NRAP: variants seen among roughly 807,000 people sequenced by gnomAD.
NRAP encodes the protein nebulin related anchoring protein.
A neutral mutation model predicts 225.9 loss-of-function variants in NRAP; 189 were observed. The ratio of observed to expected loss-of-function variants is 0.84; its 90% CI spans 0.74 to 0.94. The LOEUF (loss-of-function observed/expected upper bound fraction) is 0.94, where lower values mean the gene tolerates loss of function less well. NRAP is among the 40% of genes least tolerant of loss of function. The pLI is 0.00. For synonymous variants in NRAP, 769 were observed against 790.7 expected, an observed-to-expected ratio of 0.97 and a Z score of 0.46; for missense variants, 2,176 against 2,168.7, an observed-to-expected ratio of 1.00 and a Z score of -0.07.
In NRAP at chr10:113,622,166, C is replaced by T. The variant is rs1848035573; in HGVS notation, c.2472G>A (p.Glu824=). Residue 824 remains glutamate (E), a synonymous_variant, in exon 24 of 42, where the codon GAG becomes GAA. Transcript: ENST00000359988. ...GCTTCCCTCTGGATCTCTCATAATC[C>T]TCCTTGTACTTCACCTAAATAAGAG... ...RDLASEVKYK[E]DYERSRGKLI... is the part of the protein sequence containing the mutation. 2 of 1,611,414 alleles carry T rather than the reference C, an allele frequency of 1.2e-6. No homozygotes were observed. Among genetic ancestry groups the T allele is most frequent in the South Asian group, 2.2e-5 (2 of 90,998 alleles).
chr10:113,643,079 C>G, intron 11 of NRAP, 41 bp from the exon 12 acceptor site: 1 of 970,826 alleles, frequency 1.0e-6, no homozygotes, highest in Non-Finnish European at 1.7e-6. Flanking sequence ...GAACCAAATC[C>G]GAAGTCACTC....
intron 38 of NRAP, among the ~76,000 whole-genome samples, chr10:113,592,917 C>A (rs1846075999): frequency 6.6e-6 from 1 of 152,166 alleles, no homozygotes; most frequent in African/African-American, 2.4e-5. Context: ...TTCATATCTT[C>A]CTCTTTCATT....
chr10:113,620,282 G>A (rs527855546), intron 25 of NRAP, among the ~76,000 whole-genome samples: 5 of 152,252 alleles, frequency 3.3e-5, no homozygotes, highest in African/African-American at 9.6e-5. Context: ...AGCTTTTTGG[G>A]TGCCATAAAT....
Position 113,640,282 on chromosome 10 carries a change from G to A in NRAP, c.1373C>T (p.Pro458Leu). 1.2e-6 allele frequency: 2 copies of A among 1,603,972 alleles called. No individual in the cohort carries two copies. Among genetic ancestry groups the A allele is most frequent in the Non-Finnish European group, 1.7e-6 (2 of 1,175,600 alleles). Residue 458 changes from proline to leucine, a missense_variant, in exon 14 of 42, where the codon CCA (proline) becomes CTA (leucine). Physicochemically the swap from Pro to Leu is moderately conservative, Grantham distance 98 (BLOSUM62 -3). Transcript: ENST00000359988. ...YKHDIVDYNYPATLTPSYQTA... is the reference protein window; with the variant it reads ...YKHDIVDYNYLATLTPSYQTA... ...TTGATAGGAAGGCGTGAGAGTGGCT[G>A]GGTAGTTGTAGTCGACAATATCATG...
chr10:113,615,315 A>T (rs1010491765), intron 27 of NRAP, among the ~76,000 whole-genome samples: 1 of 152,200 alleles, frequency 6.6e-6, no homozygotes, highest in Admixed American at 6.5e-5. Flanking sequence ...TCTACCAAAG[A>T]ACAGAAATGG....
chr10:113,601,195 C>A (rs1348416127), intron 35 of NRAP, among the ~76,000 whole-genome samples: 2 of 152,150 alleles, frequency 1.3e-5, no homozygotes, highest in African/African-American at 4.8e-5. Context: ...CCGGGCTGGT[C>A]CGAACTGGGC....
chr10:113,626,573 G>A (rs770538425), intron 20 of NRAP, among the ~76,000 whole-genome samples: 1 of 152,126 alleles, frequency 6.6e-6, no homozygotes, highest in African/African-American at 2.4e-5. Flanking sequence ...TGCTTGGAGT[G>A]TACAATGGGG....
intron 21 of NRAP, among the ~76,000 whole-genome samples, chr10:113,625,804 A>G (rs572276867): frequency 6.6e-6 from 1 of 152,312 alleles, no homozygotes; most frequent in African/African-American, 2.4e-5. Flanking sequence ...GCTGAAAAGG[A>G]ATAAAGTCAG....
intron 5 of NRAP, 39 bp from the exon 6 acceptor site, chr10:113,653,078 G>C: frequency 9.0e-7 from 1 of 1,114,652 alleles, no homozygotes; most frequent in Non-Finnish European, 1.3e-6. Context: ...GAACTGAGAT[G>C]ATATTGAATG....
chr10:113,600,407 T>G (rs1386149080), intron 35 of NRAP, among the ~76,000 whole-genome samples: 4 of 152,180 alleles, frequency 2.6e-5, no homozygotes, highest in African/African-American at 9.7e-5. Flanking sequence ...CTCTAACTCC[T>G]GGGCTCAAGT....
intron 4 of NRAP, 78 bp downstream of exon 4, chr10:113,657,392 G>A (rs1180025764): frequency 2.5e-6 from 2 of 790,312 alleles, no homozygotes; most frequent in African/African-American, 3.4e-5. Flanking sequence ...TTCTCTAGAA[G>A]TAATAATAAT....
At chr10:113,589,407 A>C in intron 41 of NRAP, 1 of 578,318 alleles carries the variant, frequency 1.7e-6, no homozygotes, top group South Asian at 2.2e-5. Context: ...CTGGCCCGGG[A>C]TTGATGTAGC....
At chr10:113,616,939 G>A (rs7085283) in intron 26 of NRAP, among the ~76,000 whole-genome samples, 1 of 152,132 alleles carries the variant, frequency 6.6e-6, no homozygotes, top group South Asian at 2.1e-4. Context: ...AGAGGGAAAA[G>A]GGTCAAATCT....
At chr10:113,612,666 G>T (rs1048140567) in intron 29 of NRAP, among the ~76,000 whole-genome samples, 1 of 152,166 alleles carries the variant, frequency 6.6e-6, no homozygotes, top group African/African-American at 2.4e-5. Context: ...AAGGCCCATG[G>T]TTCCCTCATT....
intron 20 of NRAP, among the ~76,000 whole-genome samples, chr10:113,627,181 T>A (rs994951332): frequency 6.6e-6 from 1 of 152,204 alleles, no homozygotes; most frequent in Non-Finnish European, 1.5e-5. Flanking sequence ...GTCTTCTAAT[T>A]TTCCTCCCTA....
chr10:113,650,102 T>C lies in NRAP; in HGVS notation c.823A>G (p.Met275Val). ...TCAGCTCCAATGGCTGGACCAGCCA[T>C]TCCCCTCATTTCTTTTTGATATTGT... ...HQQYQKEMRGMAGPAIGAEGI... is the reference protein window; with the variant it reads ...HQQYQKEMRGVAGPAIGAEGI... The change falls in exon 9 of 42, where the codon ATG becomes GTG. Residue 275 changes from methionine (M) to valine (V), a missense_variant. By Grantham distance (21) the Met-to-Val change is conservative. Transcript: ENST00000359988. 6.2e-7 allele frequency: 1 copy of C among 1,612,820 alleles called. No individual in the cohort carries two copies. Among genetic ancestry groups the C allele is most frequent in the Non-Finnish European group, 8.5e-7 (1 of 1,178,818 alleles).
chr10:113,616,610 G>C (rs1847678989), intron 26 of NRAP, among the ~76,000 whole-genome samples: 1 of 152,206 alleles, frequency 6.6e-6, no homozygotes, highest in African/African-American at 2.4e-5. Flanking sequence ...TCCCATCCCA[G>C]ATTCTGACAG....
chr10:113,611,485 G>T (rs956899528), intron 30 of NRAP, among the ~76,000 whole-genome samples: 1 of 152,214 alleles, frequency 6.6e-6, no homozygotes, highest in African/African-American at 2.4e-5. Flanking sequence ...GTGGATGCCT[G>T]TTGGGAAGAA....
chr10:113,606,430 A>G (rs1251327676), intron 32 of NRAP, 148 bp from the exon 33 acceptor site: 24 of 599,072 alleles, frequency 4.0e-5, no homozygotes, highest in Non-Finnish European at 6.5e-5. Flanking sequence ...CTTGGGGAAG[A>G]TGTTTATTTC....
Sources: allele counts gnomAD v4.1 joint callset (sites outside exome capture counted in the v4.1 genomes callset), GRCh38; gene constraint gnomAD v4.1.1; transcripts MANE v1.5; gene names NCBI Gene and HGNC (gene_info 2026-07-23, HGNC 2026-07-21).